Variants in MACROD1 observed in about 807,000 individuals in gnomAD.
MACROD1 encodes the protein ADP-ribose glycohydrolase MACROD1.
Under a neutral mutation model 41.4 loss-of-function variants are expected in MACROD1, and 31 were observed. The ratio of observed to expected loss-of-function variants is 0.75; its 90% CI spans 0.56 to 1.01. The LOEUF (loss-of-function observed/expected upper bound fraction) is 1.01, where lower values mean the gene tolerates loss of function less well. Among genes scored for constraint, MACROD1 ranks in the 50% least tolerant of loss-of-function variants. The probability of loss-of-function intolerance (pLI) is 0.00; values close to 1 mark genes in which losing one functional copy is unlikely to be tolerated. For synonymous variants in MACROD1, 252 were observed against 203.4 expected (o/e 1.24, Z -2.03); for missense variants, 473 against 460.0 (o/e 1.03, Z -0.26).
At chr11:64,086,353 T>C (rs754712646) in intron 3 of MACROD1, among the ~76,000 whole-genome samples, 1 of 151,994 alleles carries the variant, frequency 6.6e-6, no homozygotes, top group Non-Finnish European at 1.5e-5. Context: ...CCTGTGAATC[T>C]TACATATGCA....
intron 1 of MACROD1, among the ~76,000 whole-genome samples, chr11:64,157,005 G>A (rs1490171191): frequency 6.6e-6 from 1 of 152,178 alleles, no homozygotes; most frequent in Non-Finnish European, 1.5e-5. Flanking sequence ...CCTCTTATCG[G>A]CAATCCTCGC....
At chr11:64,056,848 C>T (rs1251407709) in intron 3 of MACROD1, among the ~76,000 whole-genome samples, 3 of 151,856 alleles carry the variant, frequency 2.0e-5, no homozygotes, top group Non-Finnish European at 4.4e-5. Flanking sequence ...CTCCACTCTG[C>T]CTTCTAAACT....
At chr11:64,041,198 G>GAAA in intron 3 of MACROD1, among the ~76,000 whole-genome samples, 1 of 18,958 alleles carries the variant, frequency 5.3e-5, no homozygotes, top group African/African-American at 4.6e-4. Context: ...TTAGCAAACT[G>GAAA]TAAAAAAAAA....
intron 5 of MACROD1, 49 bp from the exon 6 acceptor site, chr11:63,999,812 G>C: frequency 6.4e-7 from 1 of 1,567,756 alleles, no homozygotes. Context: ...GCGGTCCTCA[G>C]CTCCCTCGCT....
Position 64,116,305 on chromosome 11 carries a change from C to T in MACROD1, c.517+34934G>A, listed in dbSNP as rs139768227. The T allele has an allele frequency of 2.1e-4, 331 of 1,606,322 alleles. No individual in the cohort carries two copies. Among genetic ancestry groups the T allele is most frequent in the Non-Finnish European group, 2.6e-4 (309 of 1,178,150 alleles). ...CACCCCACCGCCACTGCCACCACCA[C>T]GCCCACTGCCACTGTCACGGCCACC... On this transcript the variant is annotated intron_variant, in intron 3 of 10. Coordinates refer to ENST00000255681, the MANE Select transcript of MACROD1 (RefSeq NM_014067.4).
chr11:63,999,398 G>A lies in MACROD1; in HGVS notation c.824C>T (p.Pro275Leu), dbSNP rs1319525037. 7 of 1,591,110 alleles carry A rather than the reference G, an allele frequency of 4.4e-6. No homozygotes were observed. The highest frequency in any genetic ancestry group is 4.0e-5 in the African/African-American group (3 of 74,776). ...CACGATCTCGGCGGCCGCCTCACAG[G>A]GGTAGCCTGAGGCGGGTGGGGCGGG... ...PCISTGVFGY[P>L]CEAAAEIVLA... Residue 275 changes from proline (P) to leucine (L), a missense_variant, in exon 8 of 11, where the codon CCC becomes CTC. By Grantham distance (98) the Pro-to-Leu change is moderately conservative. Transcript: ENST00000255681.
chr11:64,037,947 G>T (rs1478632105), intron 3 of MACROD1, among the ~76,000 whole-genome samples: 1 of 152,206 alleles, frequency 6.6e-6, no homozygotes, highest in East Asian at 1.9e-4. Flanking sequence ...TGTTGTTAGT[G>T]GTCCTGCTCC....
Position 64,098,358 on chromosome 11 carries a change from C to T in MACROD1, c.517+52881G>A, listed in dbSNP as rs890742413. On this transcript the variant is annotated intron_variant, in intron 3 of 10. Transcript: ENST00000255681. ...CTCTCACTATACCAAGCCCTCCCAC[C>T]TCCAGTCTTCACATAGGCTGTTCCC... 4.6e-5 allele frequency among the ~76,000 whole-genome samples: 7 copies of T among 152,222 alleles called. No individual in the cohort carries two copies. In the East Asian group the frequency reaches 5.8e-4, roughly 13 times the overall value.
intron 3 of MACROD1, among the ~76,000 whole-genome samples, chr11:64,044,651 C>T (rs900981003): frequency 2.0e-5 from 3 of 152,146 alleles, no homozygotes; most frequent in African/African-American, 7.2e-5. Flanking sequence ...GAAGGGGAAC[C>T]ACGTTCATTA....
chr11:64,000,818 C>T (rs927178448), intron 4 of MACROD1, among the ~76,000 whole-genome samples: 1 of 152,062 alleles, frequency 6.6e-6, no homozygotes, highest in Non-Finnish European at 1.5e-5. Flanking sequence ...AGGCCCACCT[C>T]CCCAGGCGGC....
chr11:64,072,262 CA>C (rs1014478344), intron 3 of MACROD1, among the ~76,000 whole-genome samples: 5 of 151,984 alleles, frequency 3.3e-5, no homozygotes, highest in Non-Finnish European at 7.4e-5. Context: ...CAGATGGGTA[CA>C]GGGGTGATGC....
In MACROD1 at chr11:64,026,130, G is replaced by A. The variant is rs575939172; in HGVS notation, c.518-10849C>T. Among the ~76,000 whole-genome samples, 31 of 152,286 alleles carry A rather than the reference G, an allele frequency of 2.0e-4. No individual in the cohort carries two copies. The South Asian group carries it at 5.4e-3, about 27-fold the overall frequency. On this transcript the variant is annotated intron_variant, in intron 3 of 10. Coordinates refer to ENST00000255681, the MANE Select transcript of MACROD1 (RefSeq NM_014067.4). ...TGGGAGGCGGAGGTTGCAGTGAGCC[G>A]AGATTGTGCCATTGCACTCCAGCTC... is the stretch of plus-strand genomic sequence containing the variant.
At chr11:64,030,917 G>A (rs1426053447) in intron 3 of MACROD1, among the ~76,000 whole-genome samples, 2 of 151,946 alleles carry the variant, frequency 1.3e-5, no homozygotes, top group Non-Finnish European at 2.9e-5. Context: ...GTGGGTGGTG[G>A]GGATGTGGGG....
chr11:63,999,089 T>A, intron 8 of MACROD1, 53 bp from the exon 9 acceptor site: 2 of 1,511,224 alleles, frequency 1.3e-6, no homozygotes, highest in Non-Finnish European at 1.8e-6. Flanking sequence ...GGCCCCAGGA[T>A]CCTGTGACTG....
At chr11:64,059,143 CTCTTCT>C (rs1943848816) in intron 3 of MACROD1, among the ~76,000 whole-genome samples, 1 of 152,188 alleles carries the variant, frequency 6.6e-6, no homozygotes, top group South Asian at 2.1e-4. Flanking sequence ...CCTTCTCTTC[CTCTTCT>C]GTGTTTCCCC....
At position 64,165,746 on chromosome 11, in the gene MACROD1, C is replaced by A; in HGVS notation, c.249G>T (p.Met83Ile). The change falls in exon 1 of 11, where the codon ATG becomes ATT. Residue 83 changes from methionine to isoleucine, a missense_variant. Physicochemically the swap from Met to Ile is conservative, Grantham distance 10. Coordinates refer to ENST00000255681, the MANE Select transcript of MACROD1 (RefSeq NM_014067.4). ...AGGTGCTCAGGTCCACCTTCGCCGCCATGGCCAGGGGGGCCCAAGTGCGCA... is the reference window on the plus strand; with the variant it reads ...AGGTGCTCAGGTCCACCTTCGCCGCAATGGCCAGGGGGGCCCAAGTGCGCA... ...AGVRTWAPLAMAAKVDLSTST... is the reference protein window; with the variant it reads ...AGVRTWAPLAIAAKVDLSTST... The A allele has an allele frequency of 6.7e-7, 1 of 1,499,978 alleles. No homozygotes were observed. Among genetic ancestry groups the A allele is most frequent in the Non-Finnish European group, 8.9e-7 (1 of 1,128,126 alleles). 92.9% of individuals were successfully genotyped at this position (1,499,978 alleles called of 1,614,324 possible).
intron 4 of MACROD1, among the ~76,000 whole-genome samples, chr11:64,007,460 T>G (rs1284320360): frequency 1.3e-5 from 2 of 152,006 alleles, no homozygotes; most frequent in African/African-American, 4.8e-5. Context: ...GAGTCCGGGA[T>G]GAGAGTCCGG....
chr11:64,090,259 A>G lies in MACROD1; in HGVS notation c.517+60980T>C, dbSNP rs1192119631. ...GCGTGTGGGTCTCCAGCCTTTGCTC[A>G]TCCTCGGGAAATGCATCGTGCGTTG... On this transcript the variant is annotated intron_variant, in intron 3 of 10. Transcript: ENST00000255681. The surrounding 1 kb of genome is among the most constrained non-coding windows in gnomAD (Gnocchi z 4.7). Among the ~76,000 whole-genome samples the G allele has an allele frequency of 2.6e-5, 4 of 152,166 alleles. No individual in the cohort carries two copies. The highest frequency in any genetic ancestry group is 4.4e-5 in the Non-Finnish European group (3 of 68,010).
chr11:64,138,101 T>A (rs2134672882), intron 3 of MACROD1, among the ~76,000 whole-genome samples: 1 of 152,262 alleles, frequency 6.6e-6, no homozygotes, highest in African/African-American at 2.4e-5. Context: ...GAAACTGAGG[T>A]TCAGGGGAGA....
Sources: allele counts gnomAD v4.1 joint callset (sites outside exome capture counted in the v4.1 genomes callset), GRCh38; gene constraint gnomAD v4.1.1; non-coding constraint Gnocchi (gnomAD v3.1); transcripts MANE v1.5; gene names NCBI Gene and HGNC (gene_info 2026-07-23, HGNC 2026-07-21).